The following PCLO variants were observed in gnomAD, a reference collection of about 807,000 sequenced individuals.
PCLO encodes the protein protein piccolo.
A neutral mutation model predicts 427.5 loss-of-function variants in PCLO; 82 were observed. That is an observed-to-expected ratio of 0.19 (90% CI 0.16 to 0.23). The LOEUF is 0.23. Among genes scored for constraint, PCLO ranks in the 10% least tolerant of loss-of-function variants. The pLI is 1.00. For synonymous variants in PCLO, 2,357 were observed against 2,155.4 expected (o/e 1.09, Z -2.59); for missense variants, 6,239 against 6,115.9 (o/e 1.02, Z -0.67).
intron 4 of PCLO, among the ~76,000 whole-genome samples, chr7:82,965,263 C>T (rs571009367): frequency 3.4e-5 from 5 of 148,612 alleles, no homozygotes; most frequent in Non-Finnish European, 7.5e-5. Flanking sequence ...ATGACTTTTG[C>T]TTTGGATTTT....
At chr7:82,856,975 T>A (rs1360358673) in intron 10 of PCLO, among the ~76,000 whole-genome samples, 1 of 152,118 alleles carries the variant, frequency 6.6e-6, no homozygotes, top group African/African-American at 2.4e-5. Context: ...TCAACCTGAT[T>A]TCCTTACTCT....
chr7:83,074,510 G>A (rs1789902395), intron 3 of PCLO, among the ~76,000 whole-genome samples: 2 of 152,032 alleles, frequency 1.3e-5, no homozygotes, highest in Non-Finnish European at 2.9e-5. Flanking sequence ...GACGTAGAAT[G>A]AGTGTCAAAG....
intron 3 of PCLO, among the ~76,000 whole-genome samples, chr7:83,041,326 C>T (rs1788967672): frequency 6.6e-6 from 1 of 152,068 alleles, no homozygotes; most frequent in African/African-American, 2.4e-5. Flanking sequence ...CAGTTAAAGA[C>T]CTGCTGTTTC....
At chr7:82,786,701 A>T (rs547161353) in intron 22 of PCLO, among the ~76,000 whole-genome samples, 1 of 152,070 alleles carries the variant, frequency 6.6e-6, no homozygotes, top group African/African-American at 2.4e-5. Flanking sequence ...TCAACCTGTC[A>T]TCTACATTAG....
chr7:82,781,562 T>C (rs982344381), intron 22 of PCLO, among the ~76,000 whole-genome samples: 18 of 151,916 alleles, frequency 1.2e-4, no homozygotes, highest in Non-Finnish European at 2.1e-4. Flanking sequence ...TGTGTTCTTA[T>C]GATATATATT....
chr7:83,042,270 C>T (rs1248030635), intron 3 of PCLO, among the ~76,000 whole-genome samples: 2 of 152,048 alleles, frequency 1.3e-5, no homozygotes, highest in African/African-American at 2.4e-5. Context: ...AAACATGAAT[C>T]GCATTTGTAT....
chr7:82,920,271 T>G (rs1794565338), intron 6 of PCLO, among the ~76,000 whole-genome samples: 1 of 151,804 alleles, frequency 6.6e-6, no homozygotes, highest in South Asian at 2.1e-4. Flanking sequence ...GAAAGTTTAT[T>G]ATGATTAAAG....
At chr7:82,983,779 T>C (rs934138412) in intron 3 of PCLO, among the ~76,000 whole-genome samples, 1 of 151,860 alleles carries the variant, frequency 6.6e-6, no homozygotes, top group African/African-American at 2.4e-5. Context: ...AAAAGAATCA[T>C]TTTTTCCAAA....
intron 3 of PCLO, among the ~76,000 whole-genome samples, chr7:83,027,376 G>A (rs1467943754): frequency 2.6e-5 from 4 of 152,052 alleles, no homozygotes; most frequent in South Asian, 2.1e-4. Context: ...TAAATTCCTC[G>A]ACACGTACAC....
chr7:82,756,591 C>A lies in PCLO; in HGVS notation c.*1984G>T, dbSNP rs1381205862. ...ATTAGAAATTCTCTTATTTTTAGTG[C>A]TTTACAGTCCTCTCAAATTTAGAGC... On this transcript the variant is annotated 3_prime_UTR_variant, in exon 25 of 25. Coordinates refer to ENST00000333891, the MANE Select transcript of PCLO (RefSeq NM_033026.6). 2 of 151,696 alleles carry A rather than the reference C, an allele frequency of 1.3e-5. No individual in the cohort carries two copies. The highest frequency in any genetic ancestry group is 4.8e-5 in the African/African-American group (2 of 41,300). The allele number at this position is 151,696 out of a possible 1,614,324, so 9.4% of individuals were successfully genotyped here.
intron 6 of PCLO, among the ~76,000 whole-genome samples, chr7:82,932,635 C>T (rs368806775): frequency 2.0e-5 from 3 of 152,100 alleles, no homozygotes; most frequent in East Asian, 3.9e-4. Flanking sequence ...AGTGAAGAAA[C>T]AGAAAAACTG....
chr7:83,031,378 A>T lies in PCLO; in HGVS notation c.3301-64891T>A, dbSNP rs753864950. Among the ~76,000 whole-genome samples the T allele has an allele frequency of 1.2e-3, 187 of 152,196 alleles. 5 individuals are homozygous for T. The highest frequency in any genetic ancestry group is 3.7e-4 in the Non-Finnish European group (25 of 68,030). On this transcript the variant is annotated intron_variant, in intron 3 of 24. Coordinates refer to ENST00000333891, the MANE Select transcript of PCLO (RefSeq NM_033026.6). ...TTACTACAAGACTGAAACGATCTGG[A>T]GTCCATAAAAAATTATATCAAATAT...
chr7:83,088,780 T>C (rs1790303160), intron 3 of PCLO, among the ~76,000 whole-genome samples: 1 of 152,114 alleles, frequency 6.6e-6, no homozygotes, highest in African/African-American at 2.4e-5. Flanking sequence ...ACTGTCTGAG[T>C]TGTGATGTCC....
intron 22 of PCLO, among the ~76,000 whole-genome samples, chr7:82,792,763 C>G (rs1346402461): frequency 6.6e-6 from 1 of 152,008 alleles, no homozygotes; most frequent in Non-Finnish European, 1.5e-5. Context: ...AAATCTGTTT[C>G]CTGGGTTCTT....
intron 14 of PCLO, 56 bp downstream of exon 14, chr7:82,841,403 G>T: frequency 9.7e-7 from 1 of 1,029,704 alleles, no homozygotes; most frequent in Non-Finnish European, 1.5e-6. Flanking sequence ...CAACAAACCA[G>T]TGGCAAAACA....
rs757848528 is a variant in PCLO at position 82,758,586 on chromosome 7, G to A, written c.15418C>T (p.Gln5140Ter). ...NWHKLLVSPT[Q>*]TH ...GAAGACATGTTTCTTCAATGCGTTTGAGTAGGACTGACCAAAAGTTTGTGC... is the reference window on the plus strand; with the variant it reads ...GAAGACATGTTTCTTCAATGCGTTTAAGTAGGACTGACCAAAAGTTTGTGC... The change falls in exon 25 of 25, where the codon CAA (glutamine) becomes TAA (stop). Residue 5140 changes from glutamine to a stop codon, truncating the protein, a stop_gained. Transcript: ENST00000333891. LOFTEE classifies it high-confidence loss of function. The A allele has an allele frequency of 6.2e-7, 1 of 1,611,204 alleles. No individual in the cohort carries two copies. Among genetic ancestry groups the A allele is most frequent in the Admixed American group, 1.7e-5 (1 of 59,892 alleles).
chr7:82,866,101 C>G (rs1793085922), intron 10 of PCLO, among the ~76,000 whole-genome samples: 1 of 152,160 alleles, frequency 6.6e-6, no homozygotes, highest in Non-Finnish European at 1.5e-5. Flanking sequence ...ACACAACAAG[C>G]ATGCTCTTGC....
intron 3 of PCLO, among the ~76,000 whole-genome samples, chr7:83,093,845 G>GTTTTTTT (rs55892870): frequency 7.4e-6 from 1 of 135,752 alleles, no homozygotes. Context: ...TTACTGATTT[G>GTTTTTTT]TTTTTTTTTT....
At chr7:82,905,602 T>G (rs1459116377) in intron 8 of PCLO, among the ~76,000 whole-genome samples, 1 of 151,148 alleles carries the variant, frequency 6.6e-6, no homozygotes, top group Middle Eastern at 3.2e-3. Flanking sequence ...GAAGTGGGGG[T>G]GGTAGTGTCA....
Sources: gnomAD v4.1 joint callset for allele counts (sites outside exome capture counted in the v4.1 genomes callset) on GRCh38, gnomAD v4.1.1 for gene constraint, MANE v1.5 for transcripts, NCBI Gene and HGNC (gene_info 2026-07-23, HGNC 2026-07-21) for gene names.